The following KCNAB1 variants were observed in gnomAD, a reference collection of about 807,000 sequenced individuals.
KCNAB1 encodes the protein potassium voltage-gated channel subfamily A regulatory beta subunit 1, also known as voltage-gated potassium channel subunit beta-1.
In KCNAB1, 35 loss-of-function variants were observed where a neutral mutation model predicts 64.6. The observed-to-expected ratio is 0.54, with a 90% CI of 0.41 to 0.72. KCNAB1 has a LOEUF of 0.72. KCNAB1 is among the 30% of genes least tolerant of loss of function. The pLI is 0.00. For synonymous variants in KCNAB1, 177 were observed against 183.8 expected, an observed-to-expected ratio of 0.96 and a Z score of 0.30; for missense variants, 401 against 512.9, an observed-to-expected ratio of 0.78 and a Z score of 2.11.
chr3:156,456,905 G>A, intron 3 of KCNAB1: 1 of 154,318 alleles, frequency 6.5e-6, no homozygotes, highest in Admixed American at 6.4e-5. Flanking sequence ...GTGAGTCAGA[G>A]GCACGCTGCC....
At chr3:156,478,063 TGTTA>T (rs778274648) in intron 8 of KCNAB1, among the ~76,000 whole-genome samples, 1 of 152,224 alleles carries the variant, frequency 6.6e-6, no homozygotes, top group African/African-American at 2.4e-5. Context: ...ACAGTAACTC[TGTTA>T]GTTAATGATA....
At chr3:156,324,011 T>C (rs1403180928) in intron 1 of KCNAB1, among the ~76,000 whole-genome samples, 1 of 152,190 alleles carries the variant, frequency 6.6e-6, no homozygotes, top group African/African-American at 2.4e-5. Flanking sequence ...CCAAGGAACA[T>C]CACATAGAAC....
At chr3:156,314,833 T>C (rs952607585) in intron 1 of KCNAB1, among the ~76,000 whole-genome samples, 1 of 152,108 alleles carries the variant, frequency 6.6e-6, no homozygotes, top group African/African-American at 2.4e-5. Flanking sequence ...GCCAACATGG[T>C]GATATCCCCA....
intron 9 of KCNAB1, 84 bp from the exon 10 acceptor site, chr3:156,515,016 G>C: frequency 7.3e-7 from 1 of 1,366,764 alleles, no homozygotes; most frequent in Admixed American, 2.5e-5. Context: ...TTTCACCAAA[G>C]TAAACATTTC....
intron 1 of KCNAB1, among the ~76,000 whole-genome samples, chr3:156,355,157 T>G (rs1725147512): frequency 2.0e-5 from 3 of 152,242 alleles, no homozygotes; most frequent in Admixed American, 2.0e-4. Flanking sequence ...TCCTGCAGTG[T>G]AATTTGTTTA....
intron 1 of KCNAB1, among the ~76,000 whole-genome samples, chr3:156,282,958 C>A (rs1719839621): frequency 6.6e-6 from 1 of 150,424 alleles, no homozygotes; most frequent in African/African-American, 2.4e-5. Context: ...GCATTTAGTC[C>A]ATTTACATTT....
intron 11 of KCNAB1, among the ~76,000 whole-genome samples, chr3:156,523,572 G>T (rs1200056868): frequency 6.6e-6 from 1 of 152,156 alleles, no homozygotes; most frequent in Non-Finnish European, 1.5e-5. Flanking sequence ...CACGGTCAGG[G>T]TTATAACAAC....
At chr3:156,292,440 G>C (rs1720497021) in intron 1 of KCNAB1, among the ~76,000 whole-genome samples, 1 of 152,138 alleles carries the variant, frequency 6.6e-6, no homozygotes, top group African/African-American at 2.4e-5. Context: ...TAGTTTTTCA[G>C]TAGCAAATGT....
chr3:156,401,271 C>T (rs1713870543), intron 1 of KCNAB1, among the ~76,000 whole-genome samples: 1 of 152,220 alleles, frequency 6.6e-6, no homozygotes, highest in African/African-American at 2.4e-5. Context: ...ATATTGGGCC[C>T]TTTATACATA....
intron 1 of KCNAB1, among the ~76,000 whole-genome samples, chr3:156,132,777 C>T (rs903706659): frequency 1.3e-5 from 2 of 152,152 alleles, no homozygotes; most frequent in Admixed American, 6.6e-5. Context: ...TAATGTACCT[C>T]CAGGATTCAT....
chr3:156,288,745 A>T (rs565061042), intron 1 of KCNAB1, among the ~76,000 whole-genome samples: 199 of 151,844 alleles, frequency 1.3e-3, no homozygotes, highest in African/African-American at 4.6e-3. Flanking sequence ...TCTTTGAGGC[A>T]TGTCCTAAAG....
intron 1 of KCNAB1, among the ~76,000 whole-genome samples, chr3:156,133,776 G>C (rs543852229): frequency 6.6e-5 from 10 of 152,348 alleles, no homozygotes; most frequent in African/African-American, 2.2e-4. Context: ...CACTTAAGAT[G>C]CACCATTTCA....
At chr3:156,181,172 C>A (rs776941193) in intron 1 of KCNAB1, among the ~76,000 whole-genome samples, 1 of 152,146 alleles carries the variant, frequency 6.6e-6, no homozygotes, top group African/African-American at 2.4e-5. Context: ...TTTCCAAATA[C>A]AAGCACATTC....
At chr3:156,479,844 G>A (rs748452724) in intron 8 of KCNAB1, among the ~76,000 whole-genome samples, 5 of 152,022 alleles carry the variant, frequency 3.3e-5, no homozygotes, top group Non-Finnish European at 5.9e-5. Flanking sequence ...AGAGAAGCAA[G>A]ACCAAAGTTA....
At position 156,127,918 on chromosome 3, in the gene KCNAB1, T is replaced by TGTGTGTGC. The variant is rs33965119; in HGVS notation, c.275+7033_275+7034insTGTGTGCG. Among the ~76,000 whole-genome samples, 72 of 149,952 alleles carry TGTGTGTGC rather than the reference T, an allele frequency of 4.8e-4. No individual in the cohort carries two copies. The South Asian group carries it at 7.2e-3, about 15-fold the overall frequency. Reference sequence around the variant, plus strand: ...GTGTGTGTGTGTGTGTGTGTGTGTGTGCACGTGCGTGCGCACCTGGTTTCT... The same window carrying TGTGTGTGC: ...GTGTGTGTGTGTGTGTGTGTGTGTGTGTGTGTGCGCACGTGCGTGCGCACCTGGTTTCT... On this transcript the variant is annotated intron_variant, in intron 1 of 13. Transcript: ENST00000490337.
At chr3:156,394,009 G>A (rs1713243788) in intron 1 of KCNAB1, among the ~76,000 whole-genome samples, 1 of 152,184 alleles carries the variant, frequency 6.6e-6, no homozygotes, top group African/African-American at 2.4e-5. Context: ...CTGTGTTGGG[G>A]ACCTGACTCT....
intron 8 of KCNAB1, among the ~76,000 whole-genome samples, chr3:156,507,545 G>A (rs1716907916): frequency 6.6e-6 from 1 of 152,212 alleles, no homozygotes; most frequent in Non-Finnish European, 1.5e-5. Context: ...GCATCAAGCT[G>A]AGAGGATTCT....
chr3:156,535,651 C>A (rs1200544492), intron 13 of KCNAB1, among the ~76,000 whole-genome samples: 2 of 152,182 alleles, frequency 1.3e-5, no homozygotes, highest in Admixed American at 1.3e-4. Context: ...CCTTTGGTTT[C>A]TAATCTCAAT....
At chr3:156,193,579 A>G (rs1296338337) in intron 1 of KCNAB1, among the ~76,000 whole-genome samples, 1 of 152,164 alleles carries the variant, frequency 6.6e-6, no homozygotes, top group Non-Finnish European at 1.5e-5. Flanking sequence ...CAGGAAGCTT[A>G]CAATCATGGC....
Sources: gnomAD v4.1 joint callset for allele counts (sites outside exome capture counted in the v4.1 genomes callset) on GRCh38, gnomAD v4.1.1 for gene constraint, MANE v1.5 for transcripts, NCBI Gene and HGNC (gene_info 2026-07-23, HGNC 2026-07-21) for gene names.